The following MACROD2 variants were observed in gnomAD, a reference collection of about 807,000 sequenced individuals.
MACROD2 encodes the protein ADP-ribose glycohydrolase MACROD2.
Under a neutral mutation model 70.4 loss-of-function variants are expected in MACROD2, and 36 were observed. The ratio of observed to expected loss-of-function variants is 0.51; its 90% confidence interval spans 0.39 to 0.68. The LOEUF (loss-of-function observed/expected upper bound fraction) is 0.68. Among genes scored for constraint, MACROD2 ranks in the 30% least tolerant of loss-of-function variants. The pLI is 0.00. For synonymous variants in MACROD2, 172 were observed against 178.8 expected (o/e 0.96, Z 0.30); for missense variants, 496 against 538.4 (o/e 0.92, Z 0.78).
At chr20:15,050,403 A>C (rs1194761167) in intron 5 of MACROD2, among the ~76,000 whole-genome samples, 1 of 152,166 alleles carries the variant, frequency 6.6e-6, no homozygotes, top group Admixed American at 6.5e-5. Flanking sequence ...TACAACATGC[A>C]TTTTGATAAA....
At chr20:15,758,237 C>CTT (rs397793806) in intron 8 of MACROD2, among the ~76,000 whole-genome samples, 166 of 122,112 alleles carry the variant, frequency 1.4e-3, no homozygotes, top group African/African-American at 2.3e-3. Context: ...TCCTGTAATT[C>CTT]TTTTTTTTTT....
intron 8 of MACROD2, among the ~76,000 whole-genome samples, chr20:15,669,005 C>T (rs1227946960): frequency 1.3e-5 from 2 of 152,000 alleles, no homozygotes; most frequent in African/African-American, 4.8e-5. Context: ...CGTTAAAAAC[C>T]CAAGAACAGG....
intron 5 of MACROD2, among the ~76,000 whole-genome samples, chr20:15,189,384 A>G (rs1423937387): frequency 1.3e-5 from 2 of 152,126 alleles, no homozygotes; most frequent in Non-Finnish European, 2.9e-5. Flanking sequence ...GCACATACAC[A>G]GAGAGAGAAA....
chr20:15,294,070 G>A (rs186181756), intron 6 of MACROD2, among the ~76,000 whole-genome samples: 103 of 148,156 alleles, frequency 7.0e-4, no homozygotes, highest in East Asian at 6.5e-3. Flanking sequence ...GCAGTGAGCC[G>A]AGATCAGGCC....
chr20:14,637,708 A>G lies in MACROD2; in HGVS notation c.302-47135A>G, dbSNP rs1459047405. 3.3e-5 allele frequency among the ~76,000 whole-genome samples: 5 copies of G among 152,202 alleles called. No homozygotes were observed. In the East Asian group the frequency reaches 5.8e-4, roughly 18 times the overall value. On this transcript the variant is annotated intron_variant, in intron 4 of 17. Transcript: ENST00000684519. ...TTGCTGTCACATTACATCCATTTTT[A>G]AATGTTGCTCAAACCCACTGAGGTG...
chr20:14,241,000 G>T (rs1435486500), intron 3 of MACROD2, among the ~76,000 whole-genome samples: 3 of 152,074 alleles, frequency 2.0e-5, no homozygotes, highest in Non-Finnish European at 4.4e-5. Context: ...GTGGTGGCAC[G>T]TGCCTGTAAT....
chr20:14,041,999 G>A (rs941617388), intron 2 of MACROD2, among the ~76,000 whole-genome samples: 3 of 152,066 alleles, frequency 2.0e-5, no homozygotes, highest in African/African-American at 7.3e-5. Flanking sequence ...GGAAACACTG[G>A]ATATTAGAGG....
At chr20:15,656,434 C>G (rs1376547143) in intron 8 of MACROD2, among the ~76,000 whole-genome samples, 1 of 152,290 alleles carries the variant, frequency 6.6e-6, no homozygotes, top group South Asian at 2.1e-4. Context: ...GTGTGACATA[C>G]AGAGGAGAGC....
intron 3 of MACROD2, among the ~76,000 whole-genome samples, chr20:14,461,750 G>T (rs1477492073): frequency 2.7e-5 from 4 of 150,788 alleles, no homozygotes; most frequent in South Asian, 2.1e-4. Context: ...GTGAGAACAT[G>T]TGGTGTCTGG....
intron 9 of MACROD2, among the ~76,000 whole-genome samples, chr20:15,871,962 G>A (rs1205192385): frequency 6.6e-6 from 1 of 152,134 alleles, no homozygotes; most frequent in Non-Finnish European, 1.5e-5. Context: ...TTCATCATCT[G>A]CTTTTATTGA....
rs74346810 is a variant in MACROD2, at chr20:14,020,029, T to C, written c.163+17625T>C. On this transcript the variant is annotated intron_variant, in intron 2 of 17. Transcript: ENST00000684519. ...TTTCTTTCAAAATTAGCTCGGGCCA[T>C]GCCTAGGAATGACCAAGGGCAGTTT... Among the ~76,000 whole-genome samples the C allele has an allele frequency of 4.4e-3, 667 of 152,302 alleles. 4 individuals are homozygous for C. Among genetic ancestry groups the C allele is most frequent in the African/African-American group, 0.015 (635 of 41,570 alleles).
chr20:15,115,897 C>T (rs531188090), intron 5 of MACROD2, among the ~76,000 whole-genome samples: 2 of 152,196 alleles, frequency 1.3e-5, no homozygotes, highest in African/African-American at 4.8e-5. Flanking sequence ...TGCAGGTTTT[C>T]TTGATCTTCA....
intron 5 of MACROD2, among the ~76,000 whole-genome samples, chr20:15,166,293 G>A (rs2076383445): frequency 6.6e-6 from 1 of 152,150 alleles, no homozygotes; most frequent in Non-Finnish European, 1.5e-5. Context: ...GCCTTTGGGA[G>A]GTGATTAGGT....
At position 15,591,655 on chromosome 20, in the gene MACROD2, A is replaced by T. The variant is rs550173126; in HGVS notation, c.645+91808A>T. Among the ~76,000 whole-genome samples, 10 of 147,674 alleles carry T rather than the reference A, an allele frequency of 6.8e-5. No homozygotes were observed. The East Asian group carries it at 2.0e-3, about 30-fold the overall frequency. On this transcript the variant is annotated intron_variant, in intron 8 of 17. Transcript: ENST00000684519. The stretch of plus-strand genomic sequence containing the variant: ...CACCTGTTGAGTAAATTCATGATTT[A>T]CTAGTGATTTCTGACTTTTATTTTT...
chr20:14,724,841 G>A (rs1372151354), intron 5 of MACROD2, among the ~76,000 whole-genome samples: 1 of 152,196 alleles, frequency 6.6e-6, no homozygotes, highest in Non-Finnish European at 1.5e-5. Flanking sequence ...GGGAGCCACT[G>A]GAAGGTTGTG....
intron 2 of MACROD2, among the ~76,000 whole-genome samples, chr20:14,023,020 C>T (rs2053109781): frequency 6.6e-6 from 1 of 151,724 alleles, no homozygotes; most frequent in Non-Finnish European, 1.5e-5. Context: ...CACTGTCTTC[C>T]ACAATGTAAA....
chr20:14,830,881 A>G (rs2072957046), intron 5 of MACROD2, among the ~76,000 whole-genome samples: 1 of 152,180 alleles, frequency 6.6e-6, no homozygotes, highest in Non-Finnish European at 1.5e-5. Context: ...TTTGCTGGCT[A>G]GAAAATGTCC....
At chr20:14,153,810 T>A (rs2055056883) in intron 3 of MACROD2, among the ~76,000 whole-genome samples, 1 of 152,258 alleles carries the variant, frequency 6.6e-6, no homozygotes, top group South Asian at 2.1e-4. Flanking sequence ...TTATGTATGT[T>A]ATTTTTAAAT....
intron 6 of MACROD2, among the ~76,000 whole-genome samples, chr20:15,384,514 C>T (rs1167713529): frequency 1.3e-5 from 2 of 152,104 alleles, no homozygotes; most frequent in South Asian, 2.1e-4. Flanking sequence ...CATGAAACCT[C>T]GTAAGTGTGA....
Sources: gnomAD v4.1 joint callset for allele counts (sites outside exome capture counted in the v4.1 genomes callset) on GRCh38, gnomAD v4.1.1 for gene constraint, MANE v1.5 for transcripts, NCBI Gene and HGNC (gene_info 2026-07-23, HGNC 2026-07-21) for gene names.